Variants in DPP6 observed in about 807,000 individuals in gnomAD.
The protein encoded by DPP6 is dipeptidyl peptidase like 6.
In DPP6, 69 loss-of-function variants were observed where a neutral mutation model predicts 122.6. That is an observed-to-expected ratio of 0.56 (90% CI 0.46 to 0.69). DPP6 has a LOEUF of 0.69. Ranked by LOEUF, DPP6 falls within the 30% of genes least tolerant of loss-of-function variation. DPP6 has a pLI of 0.00. For synonymous variants in DPP6, 418 were observed against 433.1 expected (o/e 0.97, Z 0.43); for missense variants, 928 against 1,116.9 (o/e 0.83, Z 2.41).
intron 3 of DPP6, among the ~76,000 whole-genome samples, chr7:154,522,841 G>A (rs909255655): frequency 3.3e-5 from 5 of 152,206 alleles, no homozygotes; most frequent in Admixed American, 2.0e-4. Flanking sequence ...TTATGGGAAC[G>A]TGCACCTCTG....
At chr7:153,985,023 A>C (rs971598948) in intron 1 of DPP6, among the ~76,000 whole-genome samples, 1 of 152,208 alleles carries the variant, frequency 6.6e-6, no homozygotes, top group Non-Finnish European at 1.5e-5. Flanking sequence ...TGCTGAACAC[A>C]CAGGTCCTGC....
the DPP6 span, among the ~76,000 whole-genome samples, chr7:153,785,252 T>G: frequency 6.6e-6 from 1 of 152,152 alleles, no homozygotes; most frequent in Non-Finnish European, 1.5e-5. Flanking sequence ...TCTGCTCTGC[T>G]CCCTTTTGGT....
chr7:153,951,644 T>C lies in DPP6; in HGVS notation c.51+63910T>C, dbSNP rs534549235. The stretch of plus-strand genomic sequence containing the variant: ...GGAATTTACAGGCGTGGTGAGATTA[T>C]TTTATTTTATTTTATTTCTGGATAC... On this transcript the variant is annotated intron_variant, in intron 1 of 25. Transcript: ENST00000404039. Among the ~76,000 whole-genome samples the C allele has an allele frequency of 3.3e-5, 5 of 152,260 alleles. No homozygotes were observed. The East Asian group carries it at 9.7e-4, about 29-fold the overall frequency.
At chr7:154,291,813 C>G (rs1805230982) in intron 1 of DPP6, among the ~76,000 whole-genome samples, 2 of 152,150 alleles carry the variant, frequency 1.3e-5, no homozygotes, top group African/African-American at 4.8e-5. Context: ...GAGTTACTGA[C>G]CAGAATGAAC....
chr7:154,174,878 CT>C (rs60317194), intron 1 of DPP6, among the ~76,000 whole-genome samples: 13 of 144,952 alleles, frequency 9.0e-5, no homozygotes, highest in Admixed American at 1.4e-4. Flanking sequence ...TTCTTTCTTT[CT>C]TTTTTTTTTT....
intron 7 of DPP6, among the ~76,000 whole-genome samples, chr7:154,682,782 GA>G (rs1482622266): frequency 6.6e-6 from 1 of 152,192 alleles, no homozygotes; most frequent in Non-Finnish European, 1.5e-5. Flanking sequence ...TCTGCCCTTT[GA>G]CGTGGGTATT....
intron 1 of DPP6, among the ~76,000 whole-genome samples, chr7:154,021,069 G>A (rs1798675182): frequency 6.6e-6 from 1 of 152,138 alleles, no homozygotes; most frequent in Admixed American, 6.5e-5. Flanking sequence ...TTCCACCAAC[G>A]GAGGACCACA....
chr7:154,347,526 T>C (rs1017912026), intron 1 of DPP6, among the ~76,000 whole-genome samples: 1 of 152,230 alleles, frequency 6.6e-6, no homozygotes, highest in Non-Finnish European at 1.5e-5. Context: ...GCTAATTACC[T>C]GGAAGTCTGA....
intron 16 of DPP6, 34 bp from the exon 17 acceptor site, chr7:154,853,746 T>A: frequency 6.2e-7 from 1 of 1,606,692 alleles, no homozygotes; most frequent in Non-Finnish European, 8.5e-7. Context: ...GCTTCGTTTT[T>A]GTTTTCTTCC....
chr7:154,218,680 C>T (rs1800139885), intron 1 of DPP6, among the ~76,000 whole-genome samples: 1 of 152,184 alleles, frequency 6.6e-6, no homozygotes, highest in Admixed American at 6.5e-5. Context: ...CCTTGTCTTC[C>T]TGTTTACATG....
In DPP6 at chr7:154,723,829, T is replaced by C. The variant is rs138147084; in HGVS notation, c.763-3938T>C. 6.7e-3 allele frequency among the ~76,000 whole-genome samples: 1,026 copies of C among 152,312 alleles called. 11 individuals are homozygous for C. Among genetic ancestry groups the C allele is most frequent in the African/African-American group, 0.023 (967 of 41,562 alleles). ...TCCTAAAAGAAAACAGCTGGTTTGA[T>C]CCCCACTCTTGGTCCGCATGCCTGA... On this transcript the variant is annotated intron_variant, in intron 7 of 25. Coordinates refer to ENST00000377770, the MANE Select transcript of DPP6 (RefSeq NM_130797.4).
chr7:154,091,038 G>A (rs1016000737), intron 1 of DPP6, among the ~76,000 whole-genome samples: 6 of 151,452 alleles, frequency 4.0e-5, no homozygotes, highest in African/African-American at 1.2e-4. Flanking sequence ...GGAGAATGGT[G>A]TGAACCCAGG....
the DPP6 span, among the ~76,000 whole-genome samples, chr7:153,855,751 T>G: frequency 6.6e-6 from 1 of 152,106 alleles, no homozygotes; most frequent in African/African-American, 2.4e-5. Flanking sequence ...GCTTAGGAAG[T>G]GCCTCAAGGT....
chr7:153,939,115 ATATAT>A (rs1801585176), intron 1 of DPP6, among the ~76,000 whole-genome samples: 1 of 152,158 alleles, frequency 6.6e-6, no homozygotes, highest in African/African-American at 2.4e-5. Flanking sequence ...TCATTTTTTA[ATATAT>A]TATTTTCATT....
At position 153,904,878 on chromosome 7, in the gene DPP6, A is replaced by G. The variant is rs191538650; in HGVS notation, c.51+17144A>G. 1.3e-3 allele frequency among the ~76,000 whole-genome samples: 202 copies of G among 152,352 alleles called. 1 individual carries two copies. Among genetic ancestry groups the G allele is most frequent in the Non-Finnish European group, 5.7e-4 (39 of 68,034 alleles). On this transcript the variant is annotated intron_variant, in intron 1 of 25. Transcript: ENST00000404039. Reference sequence around the variant, plus strand: ...GGTGAACAGGAGAAGAGGCTTACAAATTTGATCACAGTTTTACACAGGAGC... The same window carrying G: ...GGTGAACAGGAGAAGAGGCTTACAAGTTTGATCACAGTTTTACACAGGAGC...
chr7:154,179,774 C>A (rs1217918509), intron 1 of DPP6, among the ~76,000 whole-genome samples: 3 of 152,192 alleles, frequency 2.0e-5, no homozygotes, highest in East Asian at 1.9e-4. Context: ...TGCACTGCCC[C>A]ATTCTGTAGC....
At chr7:153,878,975 AAGG>A in the DPP6 span, among the ~76,000 whole-genome samples, 111 of 152,134 alleles carry the variant, frequency 7.3e-4, 1 homozygote, top group Admixed American at 2.5e-3. Flanking sequence ...GGAAGGAGGA[AAGG>A]AGAAAGAAAA....
intron 4 of DPP6, 139 bp downstream of exon 4, chr7:154,540,765 C>G (rs1828662250): frequency 1.8e-6 from 1 of 569,486 alleles, no homozygotes. Context: ...GCTGAGCAAC[C>G]AAAGATAATG....
chr7:154,220,773 A>T (rs899050443), intron 1 of DPP6, among the ~76,000 whole-genome samples: 1 of 152,068 alleles, frequency 6.6e-6, no homozygotes, highest in African/African-American at 2.4e-5. Context: ...GACTAAGACA[A>T]CTCATATGAT....
Sources: allele counts gnomAD v4.1 joint callset (sites outside exome capture counted in the v4.1 genomes callset), GRCh38; gene constraint gnomAD v4.1.1; transcripts MANE v1.5; gene names NCBI Gene and HGNC (gene_info 2026-07-23, HGNC 2026-07-21).